CDH18: variants seen among roughly 807,000 people sequenced by gnomAD.
CDH18 encodes the protein cadherin-18.
Under a neutral mutation model 67.9 loss-of-function variants are expected in CDH18, and 31 were observed. The observed-to-expected ratio is 0.46, with a 90% CI of 0.34 to 0.62. The LOEUF is 0.62. Among genes scored for constraint, CDH18 ranks in the 20% least tolerant of loss-of-function variants. The pLI is 0.01. For synonymous variants in CDH18, 362 were observed against 347.2 expected (o/e 1.04, Z -0.48); for missense variants, 890 against 975.5 (o/e 0.91, Z 1.17).
intron 1 of CDH18, among the ~76,000 whole-genome samples, chr5:20,343,103 G>A (rs1273850006): frequency 6.6e-6 from 1 of 152,144 alleles, no homozygotes; most frequent in Non-Finnish European, 1.5e-5. Context: ...TGGATCCCGA[G>A]GTGGCAAAGG....
At position 19,611,949 on chromosome 5, in the gene CDH18, CGTGT is replaced by C. The variant is rs3062879; in HGVS notation, c.811+481_811+484del. On this transcript the variant is annotated intron_variant, in intron 6 of 12. Transcript: ENST00000382275. ...AACTTCAACTTGCTTTTGGATGATG[CGTGT>C]GTGTGTGTGTGTGTGTGTGTGTGTG... is the stretch of plus-strand genomic sequence containing the variant. Among the ~76,000 whole-genome samples the C allele has an allele frequency of 5.0e-3, 690 of 139,086 alleles. 3 individuals are homozygous for C. The highest frequency in any genetic ancestry group is 0.013 in the African/African-American group (489 of 37,858). 91.2% of individuals were successfully genotyped at this position (139,086 alleles called of 152,430 possible).
intron 1 of CDH18, among the ~76,000 whole-genome samples, chr5:20,421,602 T>A (rs1747863709): frequency 1.3e-5 from 2 of 151,010 alleles, no homozygotes; most frequent in South Asian, 4.1e-4. Flanking sequence ...AATTAAATAT[T>A]TCAAATGGAA....
intron 2 of CDH18, among the ~76,000 whole-genome samples, chr5:20,123,567 T>C (rs1014792936): frequency 6.6e-6 from 1 of 152,122 alleles, no homozygotes; most frequent in African/African-American, 2.4e-5. Flanking sequence ...CTACTGACAA[T>C]TGCACGAAAC....
chr5:20,095,460 G>GA (rs1276271990), intron 2 of CDH18, among the ~76,000 whole-genome samples: 11 of 98,336 alleles, frequency 1.1e-4, no homozygotes, highest in South Asian at 1.1e-3. Context: ...AAGAAAGAAA[G>GA]AAGAAAGAAG....
At chr5:20,096,938 C>T (rs1746038450) in intron 2 of CDH18, among the ~76,000 whole-genome samples, 1 of 152,096 alleles carries the variant, frequency 6.6e-6, no homozygotes, top group African/African-American at 2.4e-5. Flanking sequence ...GAAAAGATCT[C>T]TTGCATAGCA....
rs114596422 is a variant in CDH18, at chr5:19,945,356, A to C, written c.-257+35704T>G. Among the ~76,000 whole-genome samples, 1,315 of 152,234 alleles carry C rather than the reference A, an allele frequency of 8.6e-3. 24 individuals carry two copies. The highest frequency in any genetic ancestry group is 0.028 in the African/African-American group (1,168 of 41,536). On this transcript the variant is annotated intron_variant, in intron 2 of 12. Coordinates refer to ENST00000382275, the MANE Select transcript of CDH18 (RefSeq NM_004934.5). ...CTACATTGAAATTCTAGCACACAAA[A>C]GAAGGCTAGAACCTACACACTAAGC...
intron 2 of CDH18, among the ~76,000 whole-genome samples, chr5:20,092,141 G>A (rs1372668852): frequency 2.0e-5 from 3 of 152,030 alleles, no homozygotes; most frequent in Non-Finnish European, 4.4e-5. Flanking sequence ...CATTTCAACC[G>A]GGGGCTTGAC....
At chr5:20,027,784 T>G (rs1363284024) in intron 2 of CDH18, among the ~76,000 whole-genome samples, 1 of 152,210 alleles carries the variant, frequency 6.6e-6, no homozygotes, top group East Asian at 1.9e-4. Context: ...ATGGTGGTCT[T>G]GAATAAAAAA....
chr5:19,532,532 G>C (rs1561283337), intron 9 of CDH18, among the ~76,000 whole-genome samples: 1 of 152,094 alleles, frequency 6.6e-6, no homozygotes, highest in Admixed American at 6.6e-5. Context: ...TTCATTATGA[G>C]TGTCATATTT....
intron 2 of CDH18, among the ~76,000 whole-genome samples, chr5:20,165,580 C>T (rs1294949184): frequency 3.3e-5 from 5 of 151,572 alleles, no homozygotes; most frequent in Non-Finnish European, 5.9e-5. Context: ...AGCAATAATC[C>T]CCCTTTATTT....
At chr5:19,624,591 C>T (rs148097382) in intron 5 of CDH18, among the ~76,000 whole-genome samples, 9 of 152,090 alleles carry the variant, frequency 5.9e-5, no homozygotes, top group Non-Finnish European at 1.2e-4. Flanking sequence ...CTTTATACAC[C>T]CTCCTTCATT....
chr5:19,773,379 G>T (rs1348584923), intron 3 of CDH18, among the ~76,000 whole-genome samples: 3 of 151,926 alleles, frequency 2.0e-5, no homozygotes, highest in African/African-American at 7.2e-5. Context: ...GAAAAGAGAG[G>T]GATATAGCAG....
At chr5:19,797,499 C>G (rs1776980831) in intron 3 of CDH18, among the ~76,000 whole-genome samples, 1 of 151,868 alleles carries the variant, frequency 6.6e-6, no homozygotes, top group Non-Finnish European at 1.5e-5. Flanking sequence ...GTGAGTTCAA[C>G]AAGTTGGTAG....
chr5:20,336,732 A>AAAAAAAAAAC, intron 1 of CDH18, among the ~76,000 whole-genome samples: 1 of 86,028 alleles, frequency 1.2e-5, no homozygotes, highest in Non-Finnish European at 2.7e-5. Flanking sequence ...CTCAAAAAAA[A>AAAAAAAAAAC]AAAAAAAAAA....
At position 19,543,882 on chromosome 5, in the gene CDH18, A is replaced by T; in HGVS notation, c.1377T>A (p.Thr459=). 6.3e-7 allele frequency: 1 copy of T among 1,578,792 alleles called. No homozygotes were observed. The highest frequency in any genetic ancestry group is 1.2e-5 in the South Asian group (1 of 85,176). The change falls in exon 9 of 13, where the codon ACT becomes ACA. Residue 459 remains threonine (T), a synonymous_variant. Transcript: ENST00000382275. The stretch of plus-strand genomic sequence containing the variant: ...AAAGTAGTTTACCAATTTCTGAAGC[A>T]GTGACTGTGATGTTGTACCATGGAG... The part of the protein sequence containing the change: ...EETPWYNITV[T]ASEIDNPDLL...
intron 2 of CDH18, among the ~76,000 whole-genome samples, chr5:19,893,209 A>G (rs1358745198): frequency 6.6e-6 from 1 of 152,164 alleles, no homozygotes; most frequent in Non-Finnish European, 1.5e-5. Flanking sequence ...GTAAATTACT[A>G]TTGTTTGTAA....
At chr5:20,527,604 T>G (rs932342351) in intron 1 of CDH18, among the ~76,000 whole-genome samples, 1 of 152,046 alleles carries the variant, frequency 6.6e-6, no homozygotes, top group African/African-American at 2.4e-5. Flanking sequence ...AGGGTCAATA[T>G]TCAACATTCT....
At chr5:19,735,635 T>A (rs931229859) in intron 4 of CDH18, among the ~76,000 whole-genome samples, 3 of 152,060 alleles carry the variant, frequency 2.0e-5, no homozygotes, top group African/African-American at 7.2e-5. Flanking sequence ...GACCTCATGA[T>A]CCTCCCGCCT....
chr5:20,148,275 T>C (rs574716766), intron 2 of CDH18, among the ~76,000 whole-genome samples: 2 of 152,044 alleles, frequency 1.3e-5, no homozygotes, highest in Non-Finnish European at 2.9e-5. Context: ...TTATTTTTAT[T>C]TTTAATAGAG....
Sources: gnomAD v4.1 joint callset for allele counts (sites outside exome capture counted in the v4.1 genomes callset) on GRCh38, gnomAD v4.1.1 for gene constraint, MANE v1.5 for transcripts, NCBI Gene and HGNC (gene_info 2026-07-23, HGNC 2026-07-21) for gene names.